Variants in LOXL2 observed in about 807,000 individuals in gnomAD.
LOXL2 encodes the protein lysyl oxidase homolog 2.
In LOXL2, 70 loss-of-function variants were observed where a neutral mutation model predicts 93.0. The ratio of observed to expected loss-of-function variants is 0.75; its 90% CI spans 0.62 to 0.92. LOXL2 has a LOEUF of 0.92. Ranked by LOEUF, LOXL2 falls within the 40% of genes least tolerant of loss-of-function variation. LOXL2 has a pLI of 0.00. For synonymous variants in LOXL2, 438 were observed against 413.2 expected, an observed-to-expected ratio of 1.06 and a Z score of -0.73; for missense variants, 973 against 1,054.9, an observed-to-expected ratio of 0.92 and a Z score of 1.08.
At chr8:23,386,163 T>C in intron 1 of LOXL2, 1 of 658,586 alleles carries the variant, frequency 1.5e-6, no homozygotes, top group East Asian at 2.7e-5. Flanking sequence ...GACACCCTTA[T>C]TCACTAATTG....
intron 1 of LOXL2, chr8:23,385,959 G>C (rs1487451240): frequency 1.3e-6 from 1 of 765,076 alleles, no homozygotes; most frequent in African/African-American, 1.7e-5. Flanking sequence ...CAAGTGTTTG[G>C]TGGCCCCATA....
At chr8:23,385,911 T>C (rs755478661) in intron 1 of LOXL2, 10 of 763,228 alleles carry the variant, frequency 1.3e-5, no homozygotes, top group Non-Finnish European at 2.2e-5. Flanking sequence ...GCACGTACTT[T>C]GCGTTTGCAG....
chr8:23,348,790 T>A (rs530454910), intron 3 of LOXL2, among the ~76,000 whole-genome samples: 1 of 152,012 alleles, frequency 6.6e-6, no homozygotes, highest in Non-Finnish European at 1.5e-5. Flanking sequence ...GGCAGGAGAA[T>A]GGCATGAACC....
chr8:23,361,253 A>C (rs570113704), intron 2 of LOXL2, among the ~76,000 whole-genome samples: 2 of 152,220 alleles, frequency 1.3e-5, no homozygotes, highest in Admixed American at 6.5e-5. Flanking sequence ...GTTTTCCCAT[A>C]GCAAGAGGAC....
chr8:23,328,019 G>C (rs563347154), intron 6 of LOXL2, among the ~76,000 whole-genome samples: 61 of 147,480 alleles, frequency 4.1e-4, no homozygotes, highest in African/African-American at 1.5e-3. Flanking sequence ...GAACTCGGAG[G>C]CCCTCTCCTG....
At chr8:23,394,997 T>G (rs1043000774) in intron 1 of LOXL2, among the ~76,000 whole-genome samples, 1 of 152,226 alleles carries the variant, frequency 6.6e-6, no homozygotes, top group Non-Finnish European at 1.5e-5. Context: ...GGCTCCCGCC[T>G]GTAATCCCAG....
At chr8:23,400,314 T>C (rs1800139832) in intron 1 of LOXL2, among the ~76,000 whole-genome samples, 1 of 152,134 alleles carries the variant, frequency 6.6e-6, no homozygotes, top group Non-Finnish European at 1.5e-5. Context: ...CTCACAATCA[T>C]GGCAGAAGAC....
At chr8:23,331,115 G>A (rs1045571397) in intron 5 of LOXL2, among the ~76,000 whole-genome samples, 11 of 152,174 alleles carry the variant, frequency 7.2e-5, no homozygotes, top group African/African-American at 2.4e-4. Context: ...CTCTTGTCAC[G>A]GTGTCCCTTT....
At chr8:23,369,516 T>C (rs1276933949) in intron 1 of LOXL2, among the ~76,000 whole-genome samples, 1 of 152,132 alleles carries the variant, frequency 6.6e-6, no homozygotes, top group African/African-American at 2.4e-5. Context: ...ACACTACCTT[T>C]GAGGAAGGAC....
At chr8:23,318,188 AC>A (rs755604338) in intron 8 of LOXL2, among the ~76,000 whole-genome samples, 10 of 107,942 alleles carry the variant, frequency 9.3e-5, no homozygotes, top group South Asian at 3.2e-4. Flanking sequence ...AAAAAAAAAA[AC>A]CCAAAAAACC....
intron 1 of LOXL2, among the ~76,000 whole-genome samples, chr8:23,396,595 G>A (rs528766735): frequency 6.6e-6 from 1 of 152,318 alleles, no homozygotes; most frequent in Admixed American, 6.5e-5. Context: ...CCCATCCCTA[G>A]ACGTTTTAAG....
rs928418546 is a variant in LOXL2, at chr8:23,350,430, C to T, written c.532-9227G>A. On this transcript the variant is annotated intron_variant, in intron 3 of 13. Coordinates refer to ENST00000389131, the MANE Select transcript of LOXL2 (RefSeq NM_002318.3). The stretch of plus-strand genomic sequence containing the variant: ...ACTAAAAATACAAAAATTAGCTGGG[C>T]GTGGTGGCACGCACCTGTAATCCCA... Among the ~76,000 whole-genome samples the T allele has an allele frequency of 1.5e-4, 23 of 152,062 alleles. 1 individual carries two copies. Among genetic ancestry groups the T allele is most frequent in the Non-Finnish European group, 3.1e-4 (21 of 68,022 alleles).
intron 9 of LOXL2, among the ~76,000 whole-genome samples, chr8:23,316,327 C>T (rs1803401095): frequency 6.6e-6 from 1 of 152,168 alleles, no homozygotes; most frequent in South Asian, 2.1e-4. Flanking sequence ...CTGGGCCTCC[C>T]AATGGAGATG....
intron 2 of LOXL2, among the ~76,000 whole-genome samples, chr8:23,366,437 C>A (rs7835142): frequency 0.23 from 34,767 of 152,168 alleles, 6,077 homozygotes; most frequent in African/African-American, 0.49. Context: ...ATGGGACTTC[C>A]TTTCTCCTAT....
intron 8 of LOXL2, among the ~76,000 whole-genome samples, chr8:23,317,468 G>C (rs1803422105): frequency 6.6e-6 from 1 of 152,168 alleles, no homozygotes; most frequent in Admixed American, 6.5e-5. Context: ...ATCAATCACA[G>C]CACTCTCTCC....
Position 23,340,979 on chromosome 8 carries a change from G to A in LOXL2, c.743+13C>T, listed in dbSNP as rs369861570. On this transcript the variant is annotated intron_variant, in intron 4 of 13. Transcript: ENST00000389131. ...ATACCCTCAAAGCCACCCCTTTGGT[G>A]CAGTCCTCTTACTTGTACACTTTGG... The A allele has an allele frequency of 1.1e-5, 17 of 1,609,064 alleles. No homozygotes were observed. The highest frequency in any genetic ancestry group is 1.3e-5 in the African/African-American group (1 of 74,782).
In LOXL2 at chr8:23,328,557, C is replaced by T. The variant is rs760266405; in HGVS notation, c.975G>A (p.Leu325=). ...FRKAYKPEQP[L]VRLRGGAYIG... ...TGTAGGCACCGCCTCTCAGTCGCAC[C>T]AGGGGTTGCTGAAGAGACACACGGT... The change falls in exon 6 of 14, where the codon CTG becomes CTA. Residue 325 remains leucine, a synonymous_variant. Transcript: ENST00000389131. The T allele has an allele frequency of 1.9e-6, 3 of 1,613,918 alleles. No homozygotes were observed. Among genetic ancestry groups the T allele is most frequent in the Non-Finnish European group, 1.7e-6 (2 of 1,180,020 alleles).
At position 23,307,953 on chromosome 8, in the gene LOXL2, G is replaced by GGAAAAAAAAAAAAAAAAAAAAA. The variant is rs58347035; in HGVS notation, c.1880+1714_1880+1715insTTTTTTTTTTTTTTTTTTTTTC. ...GTGACTAGGTCATCAGCTGCGATAT[G>GGAAAAAAAAAAAAAAAAAAAAA]AAAAAAAAAAAAAAAAAAAAGCCAA... On this transcript the variant is annotated intron_variant, in intron 10 of 13. Transcript: ENST00000389131. Among the ~76,000 whole-genome samples, 29 of 83,554 alleles carry GGAAAAAAAAAAAAAAAAAAAAA rather than the reference G, an allele frequency of 3.5e-4. 14 individuals are homozygous for GGAAAAAAAAAAAAAAAAAAAAA. The highest frequency in any genetic ancestry group is 8.5e-4 in the South Asian group (2 of 2,348). The allele number at this position is 83,554 out of a possible 152,430, so 54.8% of individuals were successfully genotyped here.
intron 1 of LOXL2, among the ~76,000 whole-genome samples, chr8:23,376,948 G>C (rs1248513734): frequency 6.6e-6 from 1 of 152,024 alleles, no homozygotes; most frequent in Non-Finnish European, 1.5e-5. Context: ...CTTCAGTTCT[G>C]CTCTGATCTT....
Sources: allele counts gnomAD v4.1 joint callset (sites outside exome capture counted in the v4.1 genomes callset), GRCh38; gene constraint gnomAD v4.1.1; transcripts MANE v1.5; gene names NCBI Gene and HGNC (gene_info 2026-07-23, HGNC 2026-07-21).